Variants in ADCY3 observed in about 807,000 individuals in gnomAD.
The protein encoded by ADCY3 is adenylate cyclase 3.
A neutral mutation model predicts 119.4 loss-of-function variants in ADCY3; 70 were observed. The observed-to-expected ratio is 0.59, with a 90% CI of 0.48 to 0.72. ADCY3 has a LOEUF of 0.72. Ranked by LOEUF, ADCY3 falls within the 30% of genes least tolerant of loss-of-function variation. The pLI is 0.00. For missense variants in ADCY3, 1,238 were observed against 1,541.6 expected (o/e 0.80, Z 3.30); for synonymous variants, 672 against 621.4 (o/e 1.08, Z -1.21).
chr2:24,854,633 T>A (rs1672788257), intron 3 of ADCY3, among the ~76,000 whole-genome samples: 1 of 151,900 alleles, frequency 6.6e-6, no homozygotes, highest in Admixed American at 6.6e-5. Flanking sequence ...AGGATAGAGG[T>A]CATAGTCTGT....
rs1272564287 is a variant in ADCY3, at chr2:24,827,827, C to T, written c.2432+75G>A. 5 of 1,590,702 alleles carry T rather than the reference C, an allele frequency of 3.1e-6. No homozygotes were observed. In the Admixed American group the frequency reaches 8.4e-5, roughly 27 times the overall value. On this transcript the variant is annotated intron_variant, in intron 14 of 21. Transcript: ENST00000679454. ...GGCAGAAAGCCACCTCAGCACAGGCCCATGAGCTTGAACTGAGGACTTTGC... is the reference window on the plus strand; with the variant it reads ...GGCAGAAAGCCACCTCAGCACAGGCTCATGAGCTTGAACTGAGGACTTTGC...
chr2:24,917,664 G>A (rs1203890024), intron 2 of ADCY3, among the ~76,000 whole-genome samples: 2 of 152,102 alleles, frequency 1.3e-5, no homozygotes, highest in South Asian at 2.1e-4. Flanking sequence ...CACAGTGGCC[G>A]GCATGACTGT....
intron 2 of ADCY3, among the ~76,000 whole-genome samples, chr2:24,900,044 C>T (rs533805786): frequency 4.7e-4 from 72 of 151,694 alleles, no homozygotes; most frequent in Non-Finnish European, 8.5e-4. Flanking sequence ...ATAGTATTTT[C>T]CAGGCTTTCC....
intron 21 of ADCY3, chr2:24,820,406 C>T (rs1572760981): frequency 1.5e-6 from 2 of 1,324,774 alleles, no homozygotes; most frequent in East Asian, 3.1e-5. Flanking sequence ...ACTGCCTGCT[C>T]TTCTGTCCCT....
At chr2:24,915,964 G>T (rs1295728694) in intron 2 of ADCY3, among the ~76,000 whole-genome samples, 2 of 152,118 alleles carry the variant, frequency 1.3e-5, no homozygotes, top group East Asian at 3.9e-4. Flanking sequence ...CAGTGACTCA[G>T]AAGCTTCTGG....
At chr2:24,844,195 C>T (rs1180550638) in intron 3 of ADCY3, among the ~76,000 whole-genome samples, 1 of 152,088 alleles carries the variant, frequency 6.6e-6, no homozygotes, top group African/African-American at 2.4e-5. Context: ...TGGAGTGCTT[C>T]CGGGTGGCCA....
chr2:24,820,160 T>C (rs1249365252), intron 21 of ADCY3, 46 bp from the exon 22 acceptor site: 3 of 1,361,500 alleles, frequency 2.2e-6, no homozygotes, highest in African/African-American at 3.0e-5. Context: ...GGGGGGAGCC[T>C]AGACTGAGGG....
chr2:24,855,099 T>C (rs370318116), intron 3 of ADCY3, among the ~76,000 whole-genome samples: 1 of 152,088 alleles, frequency 6.6e-6, no homozygotes, highest in Non-Finnish European at 1.5e-5. Context: ...ATAAAGTAGC[T>C]GCCTGAACAA....
rs551222511 is a variant in ADCY3, at chr2:24,820,208, T to C, written c.3253-94A>G. On this transcript the variant is annotated intron_variant, in intron 21 of 21. Transcript: ENST00000679454. ...TTGGGTGGTTGGAGCCGAGCACTGA[T>C]CCATGGGTCCCAAGCAGTACGGGAC... The C allele has an allele frequency of 4.8e-6, 6 of 1,259,152 alleles. No individual in the cohort carries two copies. The African/African-American group carries it at 9.0e-5, about 19-fold the overall frequency. 78.0% of individuals were successfully genotyped at this position (1,259,152 alleles called of 1,614,324 possible). A position where few individuals can be genotyped will look rare whatever the true frequency, so the allele number is the denominator to read the frequency against.
chr2:24,847,528 G>A (rs994194029), intron 3 of ADCY3, among the ~76,000 whole-genome samples: 1 of 152,166 alleles, frequency 6.6e-6, no homozygotes. Context: ...CGAAGCCTGG[G>A]AAGTGGCATC....
intron 2 of ADCY3, among the ~76,000 whole-genome samples, chr2:24,896,246 A>G (rs745326874): frequency 4.6e-5 from 7 of 152,066 alleles, no homozygotes; most frequent in Non-Finnish European, 1.0e-4. Context: ...TTAGCCAGGC[A>G]TGGTGGCATG....
At chr2:24,826,280 G>A (rs142498647) in intron 15 of ADCY3, 154 bp from the exon 16 acceptor site, 11 of 648,730 alleles carry the variant, frequency 1.7e-5, no homozygotes, top group African/African-American at 1.5e-4. Context: ...GGGCTCCCCC[G>A]GGCAGTAAAA....
chr2:24,847,148 T>C (rs184912476), intron 3 of ADCY3, among the ~76,000 whole-genome samples: 53 of 152,254 alleles, frequency 3.5e-4, no homozygotes, highest in Admixed American at 9.2e-4. Context: ...AGGGAGATCA[T>C]TGAATCATGG....
At chr2:24,908,897 C>T (rs1373965236) in intron 2 of ADCY3, among the ~76,000 whole-genome samples, 2 of 152,194 alleles carry the variant, frequency 1.3e-5, no homozygotes, top group Non-Finnish European at 2.9e-5. Flanking sequence ...TGAGGGCCCC[C>T]CCGACACACA....
intron 2 of ADCY3, among the ~76,000 whole-genome samples, chr2:24,883,368 G>A (rs1014025994): frequency 1.3e-5 from 2 of 151,430 alleles, no homozygotes; most frequent in Admixed American, 6.6e-5. Flanking sequence ...AAAAAAAGAA[G>A]CTAGCAGTGA....
chr2:24,846,118 G>A (rs988580230), intron 3 of ADCY3, among the ~76,000 whole-genome samples: 3 of 152,360 alleles, frequency 2.0e-5, no homozygotes, highest in East Asian at 3.9e-4. Context: ...CCCCTGCTAG[G>A]GCAGTGTGGA....
chr2:24,888,968 C>T (rs2148922354), intron 2 of ADCY3, among the ~76,000 whole-genome samples: 1 of 152,320 alleles, frequency 6.6e-6, no homozygotes, highest in South Asian at 2.1e-4. Flanking sequence ...GAGGTCACAC[C>T]ACTGCACTCT....
chr2:24,915,804 G>A (rs1664377996), intron 2 of ADCY3, among the ~76,000 whole-genome samples: 1 of 152,232 alleles, frequency 6.6e-6, no homozygotes, highest in Admixed American at 6.5e-5. Flanking sequence ...GCCTGCCAAA[G>A]TTCTGGGATT....
intron 3 of ADCY3, among the ~76,000 whole-genome samples, chr2:24,870,058 C>A (rs1413774798): frequency 6.6e-6 from 1 of 151,766 alleles, no homozygotes; most frequent in Non-Finnish European, 1.5e-5. Context: ...TGCCTGTAAC[C>A]CCAGCACTTT....
Sources: gnomAD v4.1 joint callset for allele counts (sites outside exome capture counted in the v4.1 genomes callset) on GRCh38, gnomAD v4.1.1 for gene constraint, MANE v1.5 for transcripts, NCBI Gene and HGNC (gene_info 2026-07-23, HGNC 2026-07-21) for gene names.